GPC6: variants seen among roughly 807,000 people sequenced by gnomAD.
GPC6 encodes glypican-6.
In GPC6, 14 loss-of-function variants were observed where a neutral mutation model predicts 55.2. That is an observed-to-expected ratio of 0.25 (90% CI 0.17 to 0.40). The LOEUF is 0.40. GPC6 is among the 10% of genes least tolerant of loss of function. GPC6 has a pLI of 1.00. For synonymous variants in GPC6, 278 were observed against 259.6 expected (o/e 1.07, Z -0.68); for missense variants, 641 against 708.5 (o/e 0.90, Z 1.08).
At chr13:93,656,361 A>T (rs1880666520) in intron 2 of GPC6, among the ~76,000 whole-genome samples, 1 of 152,172 alleles carries the variant, frequency 6.6e-6, no homozygotes, top group South Asian at 2.1e-4. Flanking sequence ...TAGGTTTATA[A>T]GTATACCAAT....
intron 3 of GPC6, among the ~76,000 whole-genome samples, chr13:93,922,454 TC>T (rs1300838677): frequency 6.6e-5 from 10 of 152,176 alleles, no homozygotes; most frequent in African/African-American, 2.4e-4. Flanking sequence ...ATACTACATA[TC>T]TAAATCGGGA....
intron 3 of GPC6, among the ~76,000 whole-genome samples, chr13:93,907,317 G>T (rs1160890148): frequency 6.6e-6 from 1 of 151,956 alleles, no homozygotes; most frequent in African/African-American, 2.4e-5. Flanking sequence ...GACATAATGT[G>T]GTGCAAAAAT....
intron 3 of GPC6, among the ~76,000 whole-genome samples, chr13:93,910,096 A>G (rs1876886869): frequency 6.6e-6 from 1 of 151,686 alleles, no homozygotes; most frequent in African/African-American, 2.4e-5. Context: ...TGGCTGTGTG[A>G]TATGGTTTGG....
At chr13:93,271,650 T>C (rs1234627917) in intron 1 of GPC6, among the ~76,000 whole-genome samples, 2 of 152,228 alleles carry the variant, frequency 1.3e-5, no homozygotes, top group African/African-American at 4.8e-5. Context: ...TTTAAATATT[T>C]ACTTTACTCA....
intron 3 of GPC6, among the ~76,000 whole-genome samples, chr13:93,870,749 A>G (rs1248865730): frequency 6.6e-6 from 1 of 151,810 alleles, no homozygotes; most frequent in Non-Finnish European, 1.5e-5. Context: ...AGAAGACGAC[A>G]ATCTACAAGT....
chr13:93,884,390 C>T (rs1875196521), intron 3 of GPC6, among the ~76,000 whole-genome samples: 1 of 151,994 alleles, frequency 6.6e-6, no homozygotes, highest in South Asian at 2.1e-4. Flanking sequence ...ATAATGCATT[C>T]CTTCAAATCA....
intron 1 of GPC6, among the ~76,000 whole-genome samples, chr13:93,399,338 G>A (rs1875982901): frequency 6.6e-6 from 1 of 152,134 alleles, no homozygotes; most frequent in South Asian, 2.1e-4. Flanking sequence ...GTCCTGTACT[G>A]TAATCTACAT....
At chr13:93,364,696 TAC>T (rs150594973) in intron 1 of GPC6, among the ~76,000 whole-genome samples, 3 of 145,816 alleles carry the variant, frequency 2.1e-5, no homozygotes, top group African/African-American at 8.1e-5. Flanking sequence ...TATATATATA[TAC>T]ACACACACAT....
chr13:94,148,004 G>A (rs1469369904), intron 4 of GPC6, among the ~76,000 whole-genome samples: 1 of 152,164 alleles, frequency 6.6e-6, no homozygotes, highest in Non-Finnish European at 1.5e-5. Context: ...AGAGCACCTT[G>A]AGACCAATGT....
intron 1 of GPC6, among the ~76,000 whole-genome samples, chr13:93,439,711 A>AATGAAATGAAAT (rs1566358134): frequency 6.7e-6 from 1 of 149,964 alleles, no homozygotes; most frequent in African/African-American, 2.5e-5. Context: ...AAATAAAATA[A>AATGAAATGAAAT]AATAAAATAA....
intron 3 of GPC6, among the ~76,000 whole-genome samples, chr13:93,952,875 CATATATATAT>C (rs1879327281): frequency 1.9e-5 from 2 of 107,180 alleles, no homozygotes; most frequent in East Asian, 3.7e-4. Context: ...TATATATATA[CATATATATAT>C]GTGTGATATA....
intron 2 of GPC6, among the ~76,000 whole-genome samples, chr13:93,696,548 T>C (rs1882459004): frequency 6.6e-6 from 1 of 151,726 alleles, no homozygotes; most frequent in Non-Finnish European, 1.5e-5. Context: ...TTTCCTTTTT[T>C]TTTTAAAAAA....
intron 4 of GPC6, among the ~76,000 whole-genome samples, chr13:94,174,937 T>C (rs1888693119): frequency 6.6e-6 from 1 of 152,172 alleles, no homozygotes; most frequent in South Asian, 2.1e-4. Flanking sequence ...TACAGGTTCC[T>C]GTAGCTATCT....
chr13:94,394,914 T>C (rs894904448), intron 7 of GPC6, among the ~76,000 whole-genome samples: 3 of 152,174 alleles, frequency 2.0e-5, no homozygotes, highest in Non-Finnish European at 4.4e-5. Context: ...AGCATTCCCA[T>C]GTAAGCTATT....
intron 4 of GPC6, among the ~76,000 whole-genome samples, chr13:94,223,520 C>T (rs1008834758): frequency 6.6e-6 from 1 of 152,148 alleles, no homozygotes; most frequent in African/African-American, 2.4e-5. Flanking sequence ...GATTTGAAAC[C>T]AGATTTTTCT....
rs1875652359 is a variant in GPC6, at chr13:93,391,965, C to A, written c.161-153298C>A. Reference sequence around the variant, plus strand: ...CTGTATTTTTTGAGCTATATATCAGCAAAATTACCCAGCTCTCTTACAGAA... The same window carrying A: ...CTGTATTTTTTGAGCTATATATCAGAAAAATTACCCAGCTCTCTTACAGAA... On this transcript the variant is annotated intron_variant, in intron 1 of 8. Coordinates refer to ENST00000377047, the MANE Select transcript of GPC6 (RefSeq NM_005708.5). 2.0e-5 allele frequency among the ~76,000 whole-genome samples: 3 copies of A among 152,220 alleles called. No homozygotes were observed. In the South Asian group the frequency reaches 6.2e-4, roughly 32 times the overall value.
chr13:94,042,241 T>C (rs1883567500), intron 4 of GPC6, among the ~76,000 whole-genome samples: 1 of 151,788 alleles, frequency 6.6e-6, no homozygotes, highest in Non-Finnish European at 1.5e-5. Context: ...GTAAGTTTCC[T>C]GAGGCCTCCC....
intron 3 of GPC6, among the ~76,000 whole-genome samples, chr13:93,890,168 C>G (rs1388789847): frequency 6.6e-6 from 1 of 152,024 alleles, no homozygotes. Flanking sequence ...TGCTGTGGTT[C>G]CTGATGGTTT....
chr13:93,237,666 C>T (rs1876285157), intron 1 of GPC6, among the ~76,000 whole-genome samples: 2 of 152,056 alleles, frequency 1.3e-5, no homozygotes, highest in Admixed American at 6.6e-5. Context: ...AAGAGTTTTT[C>T]TTAGGTTTCA....
Sources: gnomAD v4.1 joint callset for allele counts (sites outside exome capture counted in the v4.1 genomes callset) on GRCh38, gnomAD v4.1.1 for gene constraint, MANE v1.5 for transcripts, NCBI Gene and HGNC (gene_info 2026-07-23, HGNC 2026-07-21) for gene names.